The following TMTC1 variants were observed in gnomAD, a reference collection of about 807,000 sequenced individuals.
TMTC1 encodes protein O-mannosyl-transferase TMTC1.
A neutral mutation model predicts 104.8 loss-of-function variants in TMTC1; 73 were observed. The observed-to-expected ratio is 0.70, with a 90% CI of 0.58 to 0.85. TMTC1 has a LOEUF of 0.85. Ranked by LOEUF, TMTC1 falls within the 40% of genes least tolerant of loss-of-function variation. TMTC1 has a pLI of 0.00. For synonymous variants in TMTC1, 434 were observed against 428.7 expected (o/e 1.01, Z -0.15); for missense variants, 1,035 against 1,096.1 (o/e 0.94, Z 0.79).
chr12:29,697,696 G>A (rs1941464996), intron 5 of TMTC1, among the ~76,000 whole-genome samples: 1 of 152,170 alleles, frequency 6.6e-6, no homozygotes, highest in African/African-American at 2.4e-5. Flanking sequence ...GGGTCTGAGT[G>A]TGAAGGCAGG....
rs997022491 is a variant in TMTC1 at position 29,607,819 on chromosome 12, T to C, written c.1129-3520A>G. 3.9e-5 allele frequency among the ~76,000 whole-genome samples: 6 copies of C among 152,308 alleles called. 1 individual carries two copies. Among genetic ancestry groups the C allele is most frequent in the Non-Finnish European group, 1.5e-5 (1 of 68,038 alleles). On this transcript the variant is annotated intron_variant, in intron 6 of 17. Coordinates refer to ENST00000539277, the MANE Select transcript of TMTC1 (RefSeq NM_001193451.2). ...AAGTATGCCTGAGCGTTGAATGTAG[T>C]TGGGTCATTACAAAGATTTCTTGAA... is the stretch of plus-strand genomic sequence containing the variant.
At chr12:29,743,750 C>A (rs1438977690) in intron 5 of TMTC1, among the ~76,000 whole-genome samples, 1 of 152,042 alleles carries the variant, frequency 6.6e-6, no homozygotes, top group South Asian at 2.1e-4. Context: ...TGAACTGATA[C>A]AGCTTTTATT....
intron 2 of TMTC1, among the ~76,000 whole-genome samples, chr12:29,760,441 G>C (rs67625669): frequency 4.6e-5 from 7 of 152,028 alleles, no homozygotes; most frequent in Non-Finnish European, 1.0e-4. Context: ...GCTAAACCTA[G>C]GGCATGAAAG....
chr12:29,521,559 T>TTTCC (rs1944160182), intron 11 of TMTC1, among the ~76,000 whole-genome samples: 1 of 108,122 alleles, frequency 9.2e-6, no homozygotes, highest in African/African-American at 3.8e-5. Flanking sequence ...TTTCTTTTTC[T>TTTCC]TTCTTTCTTT....
At position 29,765,661 on chromosome 12, in the gene TMTC1, A is replaced by C. The variant is rs571349013; in HGVS notation, c.480+2237T>G. On this transcript the variant is annotated intron_variant, in intron 2 of 17. Coordinates refer to ENST00000539277, the MANE Select transcript of TMTC1 (RefSeq NM_001193451.2). ...ATCATAAATAAAACAGAAAATGATAAATAATTAATAAATATAAAAAATCAC... is the reference window on the plus strand; with the variant it reads ...ATCATAAATAAAACAGAAAATGATACATAATTAATAAATATAAAAAATCAC... Among the ~76,000 whole-genome samples, 6 of 152,290 alleles carry C rather than the reference A, an allele frequency of 3.9e-5. No individual in the cohort carries two copies. The South Asian group carries it at 1.0e-3, about 26-fold the overall frequency.
chr12:29,657,813 A>G (rs946457282), intron 5 of TMTC1, among the ~76,000 whole-genome samples: 7 of 152,200 alleles, frequency 4.6e-5, no homozygotes, highest in Non-Finnish European at 1.0e-4. Flanking sequence ...CAGACATAAA[A>G]ACAAAATCTA....
In TMTC1 at chr12:29,749,408, C is replaced by T. The variant is rs149392266; in HGVS notation, c.938+2258G>A. Reference sequence around the variant, plus strand: ...TCACAAATATTTAAGCAGCTGTTATCGGCCAGACACTGTGACAGGAGCTGG... The same window carrying T: ...TCACAAATATTTAAGCAGCTGTTATTGGCCAGACACTGTGACAGGAGCTGG... On this transcript the variant is annotated intron_variant, in intron 5 of 17. Transcript: ENST00000539277. 7.6e-4 allele frequency among the ~76,000 whole-genome samples: 115 copies of T among 152,238 alleles called. 1 individual carries two copies. Among genetic ancestry groups the T allele is most frequent in the African/African-American group, 2.7e-3 (112 of 41,542 alleles).
chr12:29,699,702 G>A (rs567112004), intron 5 of TMTC1, among the ~76,000 whole-genome samples: 4 of 141,728 alleles, frequency 2.8e-5, no homozygotes, highest in Non-Finnish European at 6.0e-5. Context: ...ACCCAGGCTG[G>A]AGTGCTGTGG....
chr12:29,570,881 A>ACACC (rs1945652278), intron 9 of TMTC1, among the ~76,000 whole-genome samples: 3 of 31,310 alleles, frequency 9.6e-5, no homozygotes, highest in Admixed American at 5.3e-4. Context: ...AAACAGAAAC[A>ACACC]CCCCCCCCCC....
intron 2 of TMTC1, among the ~76,000 whole-genome samples, chr12:29,760,968 ATTAT>A (rs1279428227): frequency 6.8e-6 from 1 of 146,064 alleles, no homozygotes; most frequent in Non-Finnish European, 1.5e-5. Flanking sequence ...TATATCATAT[ATTAT>A]TTATATATTA....
chr12:29,726,816 C>T (rs771849402), intron 5 of TMTC1, among the ~76,000 whole-genome samples: 2 of 152,118 alleles, frequency 1.3e-5, no homozygotes, highest in Admixed American at 6.6e-5. Context: ...CCTAAAGTTC[C>T]GAAGACTTAC....
intron 11 of TMTC1, among the ~76,000 whole-genome samples, chr12:29,527,912 G>C (rs954745580): frequency 7.9e-5 from 12 of 152,112 alleles, no homozygotes; most frequent in African/African-American, 2.7e-4. Flanking sequence ...AGTGTGTCAA[G>C]GGCAATGAAT....
chr12:29,670,890 G>C (rs1350288197), intron 5 of TMTC1, among the ~76,000 whole-genome samples: 3 of 135,218 alleles, frequency 2.2e-5, no homozygotes, highest in East Asian at 2.1e-4. Context: ...AGCTGAGATC[G>C]TGCCACTGCA....
rs536494579 is a variant in TMTC1, at chr12:29,712,218, A to G, written c.938+39448T>C. Among the ~76,000 whole-genome samples, 17 of 152,186 alleles carry G rather than the reference A, an allele frequency of 1.1e-4. No homozygotes were observed. In the South Asian group the frequency reaches 1.5e-3, roughly 13 times the overall value. On this transcript the variant is annotated intron_variant, in intron 5 of 17. Coordinates refer to ENST00000539277, the MANE Select transcript of TMTC1 (RefSeq NM_001193451.2). ...TACATTATGTTGAACAACCACTAAC[A>G]CTGTGGTCGTATATGTGTGCAAACC...
At chr12:29,625,046 A>G (rs1356188948) in intron 6 of TMTC1, among the ~76,000 whole-genome samples, 1 of 152,202 alleles carries the variant, frequency 6.6e-6, no homozygotes, top group African/African-American at 2.4e-5. Context: ...TTATGGATAT[A>G]ATCAGGGATT....
chr12:29,538,259 G>A (rs957270275), intron 10 of TMTC1, among the ~76,000 whole-genome samples: 3 of 152,094 alleles, frequency 2.0e-5, no homozygotes, highest in African/African-American at 4.8e-5. Flanking sequence ...CACACACTAC[G>A]TTTACATACA....
chr12:29,555,980 G>A (rs1008672352), intron 10 of TMTC1, among the ~76,000 whole-genome samples: 2 of 152,074 alleles, frequency 1.3e-5, no homozygotes, highest in African/African-American at 2.4e-5. Flanking sequence ...GACAAGCACA[G>A]ATAAACATAT....
chr12:29,623,821 A>ATAAG lies in TMTC1; in HGVS notation c.1128+9325_1128+9326insCTTA, dbSNP rs1385898177. On this transcript the variant is annotated intron_variant, in intron 6 of 17. Transcript: ENST00000539277. ...GAGCAAGACTCCGGCTCAAAAATAA[A>ATAAG]TAAATAAATTAAATTAAATTAAATT... 7.7e-3 allele frequency among the ~76,000 whole-genome samples: 1,050 copies of ATAAG among 136,612 alleles called. 11 individuals carry two copies. Among genetic ancestry groups the ATAAG allele is most frequent in the African/African-American group, 0.037 (1,006 of 27,374 alleles). The allele number at this position is 136,612 out of a possible 152,430, so 89.6% of individuals were successfully genotyped here. A position where few individuals can be genotyped will look rare whatever the true frequency, so the allele number is the denominator to read the frequency against.
At chr12:29,699,807 T>C (rs1368461088) in intron 5 of TMTC1, among the ~76,000 whole-genome samples, 1 of 151,818 alleles carries the variant, frequency 6.6e-6, no homozygotes, top group Non-Finnish European at 1.5e-5. Context: ...GCCCAGCTAA[T>C]TTTTTACTTT....
Sources: allele counts gnomAD v4.1 joint callset (sites outside exome capture counted in the v4.1 genomes callset), GRCh38; gene constraint gnomAD v4.1.1; transcripts MANE v1.5; gene names NCBI Gene and HGNC (gene_info 2026-07-23, HGNC 2026-07-21).